Variants in ATG7 observed in about 807,000 individuals in gnomAD.
ATG7 encodes the protein autophagy related 7, also known as ubiquitin-like modifier-activating enzyme ATG7.
In ATG7, 70 loss-of-function variants were observed where a neutral mutation model predicts 82.4. The ratio of observed to expected loss-of-function variants is 0.85; its 90% CI spans 0.70 to 1.04. ATG7 has a LOEUF of 1.04. ATG7 is among the 50% of genes least tolerant of loss of function. The pLI, the probability that ATG7 is intolerant of heterozygous loss-of-function variation, is 0.00. For synonymous variants in ATG7, 287 were observed against 313.0 expected, an observed-to-expected ratio of 0.92 and a Z score of 0.88; for missense variants, 792 against 864.3, an observed-to-expected ratio of 0.92 and a Z score of 1.05.
chr3:11,447,030 T>G (rs1010146700), intron 20 of ATG7: 1 of 152,244 alleles, frequency 6.6e-6, no homozygotes, highest in Non-Finnish European at 1.5e-5. Flanking sequence ...GGGTGGCACC[T>G]TGTCTTTTTC....
At chr3:11,447,970 C>T (rs1360546535) in intron 20 of ATG7, among the ~76,000 whole-genome samples, 3 of 152,186 alleles carry the variant, frequency 2.0e-5, no homozygotes, top group Admixed American at 6.5e-5. Flanking sequence ...CCTCTTAGTT[C>T]TATTCCTGTG....
At chr3:11,431,154 A>G (rs1322210240) in intron 20 of ATG7, among the ~76,000 whole-genome samples, 1 of 152,240 alleles carries the variant, frequency 6.6e-6, no homozygotes, top group African/African-American at 2.4e-5. Context: ...TAATCCCAGC[A>G]CTTTTGGGAG....
At chr3:11,514,761 G>A (rs145539203) in intron 20 of ATG7, among the ~76,000 whole-genome samples, 111 of 152,002 alleles carry the variant, frequency 7.3e-4, no homozygotes, top group African/African-American at 2.5e-3. Context: ...ACAGCACAGT[G>A]CTAACCACAA....
At chr3:11,429,141 A>G (rs1157495942) in intron 20 of ATG7, among the ~76,000 whole-genome samples, 2 of 152,182 alleles carry the variant, frequency 1.3e-5, no homozygotes, top group Non-Finnish European at 2.9e-5. Flanking sequence ...TACGGCTTGC[A>G]GGTATGTATT....
intron 20 of ATG7, among the ~76,000 whole-genome samples, chr3:11,507,692 T>G (rs2091813595): frequency 6.6e-6 from 1 of 152,178 alleles, no homozygotes; most frequent in African/African-American, 2.4e-5. Flanking sequence ...TGAATTCTAT[T>G]CATGGACTCC....
chr3:11,309,437 A>C (rs1948286723), intron 7 of ATG7, among the ~76,000 whole-genome samples: 1 of 145,006 alleles, frequency 6.9e-6, no homozygotes, highest in East Asian at 2.1e-4. Context: ...GCTTGACCAC[A>C]AAATCGCTTG....
At chr3:11,336,313 C>T (rs926502747) in intron 11 of ATG7, among the ~76,000 whole-genome samples, 19 of 151,996 alleles carry the variant, frequency 1.3e-4, no homozygotes, top group Admixed American at 2.6e-4. Context: ...GGATTACAGG[C>T]GTGAGTCACA....
chr3:11,396,782 CAAAAAAAA>C (rs776333119), intron 19 of ATG7, among the ~76,000 whole-genome samples: 1 of 94,256 alleles, frequency 1.1e-5, no homozygotes, highest in African/African-American at 3.5e-5. Flanking sequence ...ACTCTGTCTC[CAAAAAAAA>C]AAAAAAAGAA....
In ATG7 at chr3:11,557,591, C is replaced by CTT. The variant is rs1216674435; in HGVS notation, c.*2749_*2750dup. The CTT allele has an allele frequency of 6.6e-6, 1 of 152,660 alleles. No homozygotes were observed. Among genetic ancestry groups the CTT allele is most frequent in the Admixed American group, 6.5e-5 (1 of 15,288 alleles). The allele number at this position is 152,660 out of a possible 1,614,324, so 9.5% of individuals were successfully genotyped here. ...AGTAAAGTGAATATCAAATACCAAT[C>CTT]TTAGAGTACAACTGTACCAGCAGTA... On this transcript the variant is annotated 3_prime_UTR_variant, in exon 21 of 21. Coordinates refer to ENST00000693202, the MANE Select transcript of ATG7 (RefSeq NM_001349232.2).
intron 20 of ATG7, among the ~76,000 whole-genome samples, chr3:11,549,734 C>T (rs756764090): frequency 6.6e-5 from 10 of 152,166 alleles, no homozygotes; most frequent in Non-Finnish European, 5.9e-5. Flanking sequence ...CATGTGTTTT[C>T]GTTTCTTTGG....
At chr3:11,478,516 G>C (rs1241102173) in intron 20 of ATG7, among the ~76,000 whole-genome samples, 1 of 152,208 alleles carries the variant, frequency 6.6e-6, no homozygotes. Context: ...TGGGGTTCCA[G>C]AGAGCACGTT....
At chr3:11,438,972 G>T (rs1438506611) in intron 20 of ATG7, among the ~76,000 whole-genome samples, 3 of 151,746 alleles carry the variant, frequency 2.0e-5, no homozygotes, top group Non-Finnish European at 4.4e-5. Context: ...GCTGCTATGT[G>T]TTGAATTTGG....
intron 20 of ATG7, among the ~76,000 whole-genome samples, chr3:11,434,077 C>G (rs2083153500): frequency 6.6e-6 from 1 of 152,224 alleles, no homozygotes; most frequent in Non-Finnish European, 1.5e-5. Context: ...CAGCAATTTA[C>G]TATTCAGCAA....
downstream of ATG7, chr3:11,558,487 TTA>T: frequency 6.6e-7 from 1 of 1,507,268 alleles, no homozygotes; most frequent in South Asian, 1.3e-5. Flanking sequence ...TTTTTTTTTT[TTA>T]AGTACTGACT....
chr3:11,421,467 ACTC>A (rs2081939324), intron 19 of ATG7, among the ~76,000 whole-genome samples: 1 of 151,702 alleles, frequency 6.6e-6, no homozygotes, highest in African/African-American at 2.4e-5. Flanking sequence ...GTAAGAAGCA[ACTC>A]CTCATCTGTT....
the ATG7 span, among the ~76,000 whole-genome samples, chr3:11,564,030 C>T: frequency 1.4e-4 from 21 of 152,282 alleles, no homozygotes; most frequent in African/African-American, 4.3e-4. Context: ...CCTCGGGGCA[C>T]GGCACCATCC....
the ATG7 span, chr3:11,565,138 G>A: frequency 9.6e-7 from 1 of 1,044,918 alleles, no homozygotes; most frequent in East Asian, 3.2e-5. The surrounding 1 kb of genome is among the most constrained non-coding windows in gnomAD (Gnocchi z 4.1). Flanking sequence ...CAGGTCGTGT[G>A]GCTGGGCAGC....
At chr3:11,440,674 C>CATTTTTTTTTTTTTTT (rs769737485) in intron 20 of ATG7, among the ~76,000 whole-genome samples, 24 of 39,490 alleles carry the variant, frequency 6.1e-4, no homozygotes, top group African/African-American at 2.6e-3. Context: ...TCCCCATTTG[C>CATTTTTTTTTTTTTTT]TTTTTTTTTT....
At chr3:11,323,100 A>T (rs1428093353) in intron 9 of ATG7, among the ~76,000 whole-genome samples, 5 of 152,236 alleles carry the variant, frequency 3.3e-5, no homozygotes, top group Non-Finnish European at 7.3e-5. Flanking sequence ...CTGTCAAAAA[A>T]AAAAGTTAGA....
Sources: allele counts gnomAD v4.1 joint callset (sites outside exome capture counted in the v4.1 genomes callset), GRCh38; gene constraint gnomAD v4.1.1; non-coding constraint Gnocchi (gnomAD v3.1); transcripts MANE v1.5; gene names NCBI Gene and HGNC (gene_info 2026-07-23, HGNC 2026-07-21).